Variants in KAZN observed in about 807,000 individuals in gnomAD.
KAZN encodes kazrin, periplakin interacting protein, also known as kazrin.
Under a neutral mutation model 87.4 loss-of-function variants are expected in KAZN, and 40 were observed. The observed-to-expected ratio is 0.46, with a 90% CI of 0.36 to 0.60. KAZN has a LOEUF of 0.60. KAZN is among the 20% of genes least tolerant of loss of function. The probability of loss-of-function intolerance (pLI) is 0.00; values close to 1 mark genes in which losing one functional copy is unlikely to be tolerated. For synonymous variants in KAZN, 466 were observed against 458.3 expected (o/e 1.02, Z -0.22); for missense variants, 898 against 1,073.9 (o/e 0.84, Z 2.29).
intron 2 of KAZN, among the ~76,000 whole-genome samples, chr1:14,266,928 G>T (rs975400025): frequency 6.6e-6 from 1 of 151,542 alleles, no homozygotes; most frequent in African/African-American, 2.4e-5. Flanking sequence ...GGGTACATGT[G>T]CACAACATGC....
rs144896367 is a variant in KAZN, at chr1:13,997,925, C to A, written c.91+104169C>A. On this transcript the variant is annotated intron_variant, in intron 1 of 16. Transcript: ENST00000636203. ...CCCCAAGACACATAATCATCAGATT[C>A]TCCAAGGTCGAAATGAAGGAAAAAA... 1.6e-3 allele frequency among the ~76,000 whole-genome samples: 242 copies of A among 152,210 alleles called. 1 individual carries two copies. Among genetic ancestry groups the A allele is most frequent in the Middle Eastern group, 0.014 (4 of 294 alleles).
chr1:14,450,415 C>A (rs1016023235), intron 2 of KAZN, among the ~76,000 whole-genome samples: 1 of 152,032 alleles, frequency 6.6e-6, no homozygotes, highest in Non-Finnish European at 1.5e-5. Context: ...ATGGTGAAAC[C>A]CCGTCTCTAC....
chr1:14,596,097 CACAA>C (rs1010882372), upstream of KAZN, among the ~76,000 whole-genome samples: 1 of 152,140 alleles, frequency 6.6e-6, no homozygotes, highest in Non-Finnish European at 1.5e-5. Context: ...TTGTTTACTA[CACAA>C]ACACACTCAC....
At chr1:14,432,382 A>C (rs1318161769) in intron 2 of KAZN, among the ~76,000 whole-genome samples, 1 of 152,160 alleles carries the variant, frequency 6.6e-6, no homozygotes, top group African/African-American at 2.4e-5. Context: ...TAATCACACC[A>C]GTCTTCCAGA....
rs1033391498 is a variant in KAZN, at chr1:13,922,880, T to C, written c.91+29124T>C. 1.4e-4 allele frequency among the ~76,000 whole-genome samples: 22 copies of C among 152,208 alleles called. 1 individual carries two copies. The highest frequency in any genetic ancestry group is 1.2e-3 in the Admixed American group (19 of 15,284). On this transcript the variant is annotated intron_variant, in intron 1 of 16. Coordinates refer to the KAZN transcript ENST00000636203. The stretch of plus-strand genomic sequence containing the variant: ...GTAAAGCTGTACCATTTTATTTCTA[T>C]AGTTTAGCGCTTAGAACATTCGTCA...
chr1:14,931,638 A>G (rs2101579189), intron 1 of KAZN, among the ~76,000 whole-genome samples: 1 of 152,196 alleles, frequency 6.6e-6, no homozygotes, highest in Non-Finnish European at 1.5e-5. Flanking sequence ...CTGGATTTGT[A>G]TCAAGTACCC....
chr1:14,275,243 A>G (rs1037210095), intron 2 of KAZN, among the ~76,000 whole-genome samples: 4 of 152,156 alleles, frequency 2.6e-5, no homozygotes, highest in African/African-American at 9.7e-5. Flanking sequence ...GCAGTCCTTC[A>G]TAGCAACAGT....
At chr1:14,373,130 G>A (rs1319945976) in intron 2 of KAZN, among the ~76,000 whole-genome samples, 1 of 151,778 alleles carries the variant, frequency 6.6e-6, no homozygotes, top group Non-Finnish European at 1.5e-5. Flanking sequence ...GACTGTAAGA[G>A]GTAGCTTTCT....
chr1:14,754,769 T>C (rs1644510157), intron 1 of KAZN, among the ~76,000 whole-genome samples: 1 of 152,106 alleles, frequency 6.6e-6, no homozygotes, highest in Admixed American at 6.6e-5. Flanking sequence ...AAAAGTGTGC[T>C]GAGAGGGAAG....
intron 1 of KAZN, among the ~76,000 whole-genome samples, chr1:14,842,128 T>C (rs1346088512): frequency 6.6e-6 from 1 of 152,156 alleles, no homozygotes; most frequent in South Asian, 2.1e-4. Context: ...TCTTTGTTAT[T>C]CTCTACCTCA....
intron 1 of KAZN, among the ~76,000 whole-genome samples, chr1:13,972,590 C>T (rs560897434): frequency 1.3e-4 from 20 of 152,184 alleles, no homozygotes; most frequent in African/African-American, 3.9e-4. Flanking sequence ...CTGGTGAGCC[C>T]GGAAGGAAGA....
At chr1:14,585,230 T>C (rs1010131242) in intron 2 of KAZN, among the ~76,000 whole-genome samples, 1 of 152,186 alleles carries the variant, frequency 6.6e-6, no homozygotes, top group African/African-American at 2.4e-5. Flanking sequence ...TTCTTGGTTA[T>C]GGTTGCCTAG....
intron 1 of KAZN, among the ~76,000 whole-genome samples, chr1:13,989,658 A>G (rs1195618745): frequency 6.6e-6 from 1 of 152,152 alleles, no homozygotes; most frequent in Non-Finnish European, 1.5e-5. Context: ...AGTGAATGGG[A>G]AAGGCAAGAT....
chr1:14,113,499 C>T (rs528883869), intron 1 of KAZN, among the ~76,000 whole-genome samples: 12 of 152,174 alleles, frequency 7.9e-5, no homozygotes, highest in Non-Finnish European at 1.0e-4. Flanking sequence ...TGACCGGAGA[C>T]GTCATTTATT....
At chr1:14,892,649 C>T (rs1227987772) in intron 1 of KAZN, among the ~76,000 whole-genome samples, 1 of 152,194 alleles carries the variant, frequency 6.6e-6, no homozygotes, top group Non-Finnish European at 1.5e-5. Flanking sequence ...TTCGAATGAC[C>T]TCTGTCTGCA....
chr1:13,981,099 A>ATATATATATATATATATGTG (rs1327997279), intron 1 of KAZN, among the ~76,000 whole-genome samples: 1 of 130,202 alleles, frequency 7.7e-6, no homozygotes, highest in South Asian at 2.4e-4. Context: ...TTATATATAT[A>ATATATATATATATATATGTG]TATATATATA....
chr1:14,080,901 C>T (rs1643650751), intron 1 of KAZN, among the ~76,000 whole-genome samples: 1 of 152,186 alleles, frequency 6.6e-6, no homozygotes, highest in Admixed American at 6.5e-5. Context: ...CCTGAAGATA[C>T]AGAAAGAACC....
intron 1 of KAZN, among the ~76,000 whole-genome samples, chr1:14,906,850 T>C (rs1656640458): frequency 6.6e-6 from 1 of 150,938 alleles, no homozygotes; most frequent in South Asian, 2.1e-4. Flanking sequence ...TGATGAATTC[T>C]GTTGGGTCCA....
At chr1:14,578,986 C>T (rs1431555303) in intron 2 of KAZN, among the ~76,000 whole-genome samples, 1 of 152,128 alleles carries the variant, frequency 6.6e-6, no homozygotes, top group East Asian at 1.9e-4. Context: ...ATCCCCAGCA[C>T]CTGCCTAATA....
Sources: allele counts gnomAD v4.1 joint callset (sites outside exome capture counted in the v4.1 genomes callset), GRCh38; gene constraint gnomAD v4.1.1; transcripts MANE v1.5; gene names NCBI Gene and HGNC (gene_info 2026-07-23, HGNC 2026-07-21).